The following PALLD variants were observed in gnomAD, a reference collection of about 807,000 sequenced individuals.
PALLD encodes the protein palladin, cytoskeletal associated protein, also known as palladin.
PALLD carries 61 observed loss-of-function variants against 123.5 expected under a neutral mutation model. That is an observed-to-expected ratio of 0.49 (90% CI 0.40 to 0.61). The LOEUF is 0.61. PALLD is among the 20% of genes least tolerant of loss of function. The pLI is 0.00. For missense variants in PALLD, 1,273 were observed against 1,377.0 expected (o/e 0.92, Z 1.20); for synonymous variants, 465 against 496.4 (o/e 0.94, Z 0.84).
intron 15 of PALLD, among the ~76,000 whole-genome samples, chr4:168,911,139 A>C (rs1758862407): frequency 6.6e-6 from 1 of 152,206 alleles, no homozygotes; most frequent in African/African-American, 2.4e-5. Context: ...TATATGTAGC[A>C]TCCCTATTTG....
At chr4:168,559,978 C>T (rs1002575433) in intron 2 of PALLD, among the ~76,000 whole-genome samples, 1 of 152,132 alleles carries the variant, frequency 6.6e-6, no homozygotes, top group East Asian at 1.9e-4. Context: ...TTTTACCTGG[C>T]GCTTTTAAAA....
At chr4:168,643,247 C>T (rs560026879) in intron 2 of PALLD, among the ~76,000 whole-genome samples, 37 of 152,288 alleles carry the variant, frequency 2.4e-4, no homozygotes, top group African/African-American at 8.9e-4. Flanking sequence ...GTATTGCTTT[C>T]GGGTGGAATT....
intron 1 of PALLD, among the ~76,000 whole-genome samples, chr4:168,498,469 C>A (rs561463310): frequency 1.3e-5 from 2 of 152,264 alleles, no homozygotes; most frequent in African/African-American, 4.8e-5. Context: ...ATGTAGAGGG[C>A]AATCATTATT....
rs116275946 is a variant in PALLD, at chr4:168,619,481, G to T, written c.909-48709G>T. Reference sequence around the variant, plus strand: ...TGAGCTAATCCAACCTGCACATGAAGATGATGTCACTGCTGTTGTAGGGAT... The same window carrying T: ...TGAGCTAATCCAACCTGCACATGAATATGATGTCACTGCTGTTGTAGGGAT... On this transcript the variant is annotated intron_variant, in intron 2 of 21. Coordinates refer to ENST00000505667, the MANE Select transcript of PALLD (RefSeq NM_001166108.2). 5.6e-3 allele frequency among the ~76,000 whole-genome samples: 857 copies of T among 152,352 alleles called. 4 individuals are homozygous for T. Among genetic ancestry groups the T allele is most frequent in the Non-Finnish European group, 0.01 (698 of 68,042 alleles).
chr4:168,785,060 T>TTC (rs1736504860), intron 10 of PALLD, among the ~76,000 whole-genome samples: 3 of 31,848 alleles, frequency 9.4e-5, no homozygotes, highest in African/African-American at 2.6e-4. Flanking sequence ...CCCTTTTGCT[T>TTC]TTTTTTTTTT....
intron 10 of PALLD, among the ~76,000 whole-genome samples, chr4:168,741,176 G>A (rs1048108471): frequency 1.3e-5 from 2 of 152,072 alleles, no homozygotes; most frequent in African/African-American, 4.8e-5. Context: ...TATCCAGTTG[G>A]TACTGCTGTC....
chr4:168,520,218 C>T (rs925592547), intron 2 of PALLD, among the ~76,000 whole-genome samples: 6 of 150,816 alleles, frequency 4.0e-5, no homozygotes, highest in Admixed American at 3.3e-4. Context: ...CCCAGCTACT[C>T]GGAAGGCTGA....
intron 10 of PALLD, among the ~76,000 whole-genome samples, chr4:168,719,418 T>C (rs904911486): frequency 6.6e-6 from 1 of 151,788 alleles, no homozygotes; most frequent in African/African-American, 2.4e-5. Flanking sequence ...CCACCTTGCC[T>C]GGCTAATTTT....
At chr4:168,671,888 A>G (rs1172406794) in intron 3 of PALLD, among the ~76,000 whole-genome samples, 1 of 152,248 alleles carries the variant, frequency 6.6e-6, no homozygotes, top group Admixed American at 6.5e-5. Flanking sequence ...TTAAAATCTC[A>G]GCAAAGCCAT....
At chr4:168,914,667 G>GT (rs1357974080) in intron 16 of PALLD, among the ~76,000 whole-genome samples, 1 of 152,166 alleles carries the variant, frequency 6.6e-6, no homozygotes, top group Non-Finnish European at 1.5e-5. Flanking sequence ...AAAAAATTCA[G>GT]TAAGTCAACC....
At chr4:168,851,689 CTT>C in intron 10 of PALLD, among the ~76,000 whole-genome samples, 2 of 152,128 alleles carry the variant, frequency 1.3e-5, no homozygotes, top group Non-Finnish European at 2.9e-5. Flanking sequence ...TATTAAAAGA[CTT>C]ATACCTTGGA....
intron 10 of PALLD, among the ~76,000 whole-genome samples, chr4:168,890,450 G>C (rs1753991439): frequency 6.6e-6 from 1 of 152,176 alleles, no homozygotes; most frequent in African/African-American, 2.4e-5. Flanking sequence ...GTTGAATAAT[G>C]ATTACAAAGC....
chr4:168,719,252 CTTTTT>C (rs869040811), intron 10 of PALLD, among the ~76,000 whole-genome samples: 32 of 85,712 alleles, frequency 3.7e-4, no homozygotes, highest in East Asian at 1.9e-3. Context: ...AAGTAATCTT[CTTTTT>C]TTTTTTTTTT....
intron 17 of PALLD, among the ~76,000 whole-genome samples, chr4:168,916,684 C>CTTTT (rs545906704): frequency 1.0e-4 from 14 of 136,468 alleles, no homozygotes; most frequent in Admixed American, 1.5e-4. Flanking sequence ...TTTTCTAATT[C>CTTTT]TTTTTTTTTT....
At chr4:168,848,634 A>G (rs2150965442) in intron 10 of PALLD, among the ~76,000 whole-genome samples, 1 of 152,346 alleles carries the variant, frequency 6.6e-6, no homozygotes, top group South Asian at 2.1e-4. Flanking sequence ...TCTGAGCTCT[A>G]AAACTGGTAG....
intron 10 of PALLD, among the ~76,000 whole-genome samples, chr4:168,820,223 T>C (rs546108778): frequency 3.3e-5 from 5 of 152,386 alleles, no homozygotes; most frequent in Admixed American, 6.5e-5. Context: ...AGCAATGCCA[T>C]GTGCGCCGTG....
At position 168,829,847 on chromosome 4, in the gene PALLD, G is replaced by A. The variant is rs928375455; in HGVS notation, c.1965-61075G>A. 4.6e-5 allele frequency among the ~76,000 whole-genome samples: 7 copies of A among 152,154 alleles called. No homozygotes were observed. The South Asian group carries it at 1.4e-3, about 32-fold the overall frequency. ...TGTGTTCCAGGACAATGAATTGTTG[G>A]TCTATCACCCTCTCAAAAATGCAAG... On this transcript the variant is annotated intron_variant, in intron 10 of 21. Coordinates refer to ENST00000505667, the MANE Select transcript of PALLD (RefSeq NM_001166108.2).
intron 10 of PALLD, among the ~76,000 whole-genome samples, chr4:168,839,928 T>C (rs1159891600): frequency 6.6e-6 from 1 of 152,208 alleles, no homozygotes; most frequent in Non-Finnish European, 1.5e-5. Flanking sequence ...GGCTCTGCTA[T>C]AGTCTGCAAA....
At chr4:168,757,690 C>A (rs760507189) in intron 10 of PALLD, among the ~76,000 whole-genome samples, 1 of 152,172 alleles carries the variant, frequency 6.6e-6, no homozygotes, top group Non-Finnish European at 1.5e-5. Flanking sequence ...TGTAGCTGGG[C>A]GGCATGATGA....
Sources: allele counts gnomAD v4.1 joint callset (sites outside exome capture counted in the v4.1 genomes callset), GRCh38; gene constraint gnomAD v4.1.1; transcripts MANE v1.5; gene names NCBI Gene and HGNC (gene_info 2026-07-23, HGNC 2026-07-21).